Variants in SLC36A2 observed in about 807,000 individuals in gnomAD.
SLC36A2 encodes the protein solute carrier family 36 member 2.
A neutral mutation model predicts 42.7 loss-of-function variants in SLC36A2; 39 were observed. The observed-to-expected ratio is 0.91, with a 90% CI of 0.71 to 1.19. The LOEUF is 1.19. Ranked by LOEUF, SLC36A2 falls within the 50% of genes most tolerant of loss-of-function variation. SLC36A2 has a pLI of 0.00. For synonymous variants in SLC36A2, 237 were observed against 240.8 expected, an observed-to-expected ratio of 0.98 and a Z score of 0.15; for missense variants, 590 against 613.7, an observed-to-expected ratio of 0.96 and a Z score of 0.41.
At chr5:151,321,029 T>C (rs766770860) in intron 9 of SLC36A2, among the ~76,000 whole-genome samples, 1 of 152,220 alleles carries the variant, frequency 6.6e-6, no homozygotes, top group African/African-American at 2.4e-5. Context: ...ATCATAGTTC[T>C]ACCTCATGAT....
At position 151,317,036 on chromosome 5, in the gene SLC36A2, G is replaced by A. The variant is rs1755518362; in HGVS notation, c.1233C>T (p.Gly411=). The change falls in exon 10 of 10, where the codon GGC becomes GGT. Residue 411 remains glycine, a synonymous_variant. Coordinates refer to ENST00000335244, the MANE Select transcript of SLC36A2 (RefSeq NM_181776.3). ...GGGCCAGGGCGGTGCCACTCACGGA[G>A]CCCACCAGGGAGATGACCAGGTCCA... is the stretch of plus-strand genomic sequence containing the variant. ...PRLDLVISLV[G]SVSGTALALI... is the part of the protein sequence containing the mutation. 7 of 1,614,146 alleles carry A rather than the reference G, an allele frequency of 4.3e-6. No homozygotes were observed. The East Asian group carries it at 1.3e-4, about 31-fold the overall frequency.
chr5:151,325,865 TG>T (rs1561653365), intron 7 of SLC36A2, among the ~76,000 whole-genome samples: 1 of 152,164 alleles, frequency 6.6e-6, no homozygotes, highest in African/African-American at 2.4e-5. Flanking sequence ...TGGGAAGGAC[TG>T]GCATGAGGAG....
At chr5:151,322,345 G>C (rs1755719941) in intron 8 of SLC36A2, 130 bp from the exon 9 acceptor site, 2 of 1,064,428 alleles carry the variant, frequency 1.9e-6, no homozygotes, top group Admixed American at 4.0e-5. Context: ...TGACTGAGAG[G>C]GACCTTCTAA....
intron 8 of SLC36A2, among the ~76,000 whole-genome samples, chr5:151,323,254 GATAAATAA>G (rs58446194): frequency 0.03 from 4,246 of 141,468 alleles, 125 homozygotes; most frequent in East Asian, 0.14. Context: ...TAGATAGATA[GATAAATAA>G]ATAAATAAAT....
rs1282063550 is a variant in SLC36A2, at chr5:151,344,177, C to A, written c.255G>T (p.Leu85=). 3.7e-6 allele frequency: 6 copies of A among 1,613,810 alleles called. No homozygotes were observed. The East Asian group carries it at 1.3e-4, about 36-fold the overall frequency. ...CCCCCACATGTGGCGCCTCTCTTAC[C>A]AGGATGCCCGCGTTCTTCACAGCGA... ...LPLAVKNAGI[L]MGPLSLLVMG... The change falls in exon 2 of 10, where the codon CTG becomes CTT. Residue 85 remains leucine (L), a splice_region_variant and synonymous_variant. Coordinates refer to ENST00000335244, the MANE Select transcript of SLC36A2 (RefSeq NM_181776.3).
intron 4 of SLC36A2, among the ~76,000 whole-genome samples, chr5:151,340,189 GGT>G (rs141361643): frequency 0.18 from 25,558 of 139,386 alleles, 6,710 homozygotes; most frequent in African/African-American, 0.6. Flanking sequence ...AGGAGGAAGA[GGT>G]GGAGGAGGAG....
At chr5:151,334,034 C>T (rs1051202056) in intron 6 of SLC36A2, among the ~76,000 whole-genome samples, 2 of 151,934 alleles carry the variant, frequency 1.3e-5, no homozygotes, top group Admixed American at 6.6e-5. Context: ...CTTTAATGAG[C>T]TGTAAATTGA....
intron 6 of SLC36A2, among the ~76,000 whole-genome samples, chr5:151,333,607 T>A (rs1756059659): frequency 6.6e-6 from 1 of 152,178 alleles, no homozygotes; most frequent in Non-Finnish European, 1.5e-5. Context: ...GCTTAACCTG[T>A]AATCCCAGCA....
intron 9 of SLC36A2, among the ~76,000 whole-genome samples, chr5:151,318,117 C>T (rs932236919): frequency 3.9e-5 from 6 of 152,280 alleles, no homozygotes; most frequent in African/African-American, 1.4e-4. Context: ...CAGGAGGTCC[C>T]GCTTACATCA....
In SLC36A2 at chr5:151,343,043, C is replaced by A; in HGVS notation, c.345-60G>T. 3 of 1,370,592 alleles carry A rather than the reference C, an allele frequency of 2.2e-6. No individual in the cohort carries two copies. The South Asian group carries it at 3.5e-5, about 16-fold the overall frequency. The allele number at this position is 1,370,592 out of a possible 1,614,324, so 84.9% of individuals were successfully genotyped here. On this transcript the variant is annotated intron_variant, in intron 3 of 9. Coordinates refer to ENST00000335244, the MANE Select transcript of SLC36A2 (RefSeq NM_181776.3). ...ATAGTTTAGCCTAAACTCACATGGTCAAAAGTCAGGAGACACAGAACAAGG... is the reference window on the plus strand; with the variant it reads ...ATAGTTTAGCCTAAACTCACATGGTAAAAAGTCAGGAGACACAGAACAAGG...
intron 3 of SLC36A2, 113 bp downstream of exon 3, chr5:151,343,397 G>T: frequency 2.7e-6 from 3 of 1,100,186 alleles, no homozygotes; most frequent in East Asian, 4.7e-5. Context: ...ACTCTTTCTT[G>T]GCCTTATTGG....
rs532600263 is a variant in SLC36A2 at position 151,315,702 on chromosome 5, T to C, written c.*1115A>G. The C allele has an allele frequency of 6.6e-6, 1 of 152,374 alleles. No individual in the cohort carries two copies. The highest frequency in any genetic ancestry group is 1.9e-4 in the East Asian group (1 of 5,190). The allele number at this position is 152,374 out of a possible 1,614,324, so 9.4% of individuals were successfully genotyped here. On this transcript the variant is annotated 3_prime_UTR_variant, in exon 10 of 10. Transcript: ENST00000335244. The stretch of plus-strand genomic sequence containing the variant: ...GGATACAGATACAGACTTCATCTTT[T>C]CATAGGAGCAGGTGCAAAGTCACAT...
At chr5:151,343,457 T>A (rs1377019453) in intron 3 of SLC36A2, 53 bp downstream of exon 3, 2 of 1,541,354 alleles carry the variant, frequency 1.3e-6, no homozygotes, top group Non-Finnish European at 1.8e-6. Context: ...TTCTGGGCTA[T>A]CCCTGAGAAC....
intron 7 of SLC36A2, among the ~76,000 whole-genome samples, chr5:151,328,444 A>C (rs1346506781): frequency 6.6e-6 from 1 of 152,262 alleles, no homozygotes; most frequent in Non-Finnish European, 1.5e-5. Context: ...ATACAGACAG[A>C]AAATAACACC....
intron 7 of SLC36A2, among the ~76,000 whole-genome samples, chr5:151,330,939 G>C (rs1461265702): frequency 6.6e-6 from 1 of 152,084 alleles, no homozygotes; most frequent in East Asian, 1.9e-4. Flanking sequence ...GAATACTATA[G>C]AACTATAGTA....
At chr5:151,331,038 C>T (rs1049297099) in intron 7 of SLC36A2, among the ~76,000 whole-genome samples, 7 of 152,268 alleles carry the variant, frequency 4.6e-5, no homozygotes, top group Admixed American at 3.9e-4. Context: ...TAAACCTATA[C>T]ATCAATGGTC....
At chr5:151,328,078 C>T (rs548290157) in intron 7 of SLC36A2, among the ~76,000 whole-genome samples, 2 of 152,324 alleles carry the variant, frequency 1.3e-5, no homozygotes, top group South Asian at 4.1e-4. Context: ...CAGAGAGTAG[C>T]CCTGGCCAAA....
rs950528884 is a variant in SLC36A2 at position 151,323,056 on chromosome 5, C to T, written c.1011-841G>A. Reference sequence around the variant, plus strand: ...TTTGAGACCAGTCTGGCCAACATGGCGAAACCCTACCACTACCAAAAATAA... The same window carrying T: ...TTTGAGACCAGTCTGGCCAACATGGTGAAACCCTACCACTACCAAAAATAA... On this transcript the variant is annotated intron_variant, in intron 8 of 9. Transcript: ENST00000335244. Among the ~76,000 whole-genome samples the T allele has an allele frequency of 1.2e-4, 18 of 152,042 alleles. No individual in the cohort carries two copies. The South Asian group carries it at 1.2e-3, about 10-fold the overall frequency.
intron 1 of SLC36A2, among the ~76,000 whole-genome samples, chr5:151,346,112 C>T (rs1363581410): frequency 6.6e-6 from 1 of 152,192 alleles, no homozygotes; most frequent in Non-Finnish European, 1.5e-5. Flanking sequence ...TTCCTTTGAT[C>T]CTTAAGTTGC....
Sources: allele counts gnomAD v4.1 joint callset (sites outside exome capture counted in the v4.1 genomes callset), GRCh38; gene constraint gnomAD v4.1.1; transcripts MANE v1.5; gene names NCBI Gene and HGNC (gene_info 2026-07-23, HGNC 2026-07-21).